The following RNASET2 variants were observed in gnomAD, a reference collection of about 807,000 sequenced individuals.
RNASET2 encodes the protein ribonuclease T2.
A neutral mutation model predicts 33.9 loss-of-function variants in RNASET2; 28 were observed. The observed-to-expected ratio is 0.83, with a 90% confidence interval of 0.61 to 1.13. The LOEUF is 1.13. RNASET2 is among the 50% of genes most tolerant of loss of function. The probability of loss-of-function intolerance (pLI) is 0.00; values close to 1 mark genes in which losing one functional copy is unlikely to be tolerated. For missense variants in RNASET2, 330 were observed against 319.9 expected (o/e 1.03, Z -0.24); for synonymous variants, 123 against 121.0 (o/e 1.02, Z -0.11).
At position 166,924,261 on chromosome 6, in the gene RNASET2, C is replaced by T. The variant is rs748704392; in HGVS notation, c.*5327G>A. On this transcript the variant is annotated 3_prime_UTR_variant, in exon 9 of 9. Coordinates refer to ENST00000508775, the MANE Select transcript of RNASET2 (RefSeq NM_003730.6). ...GACTACAGGTGCCCGCCACCATGCC[C>T]GGCCAATTTTTGTATTTTTAGTAGA... Among the ~76,000 whole-genome samples, 13 of 152,240 alleles carry T rather than the reference C, an allele frequency of 8.5e-5. No individual in the cohort carries two copies. The highest frequency in any genetic ancestry group is 4.1e-4 in the South Asian group (2 of 4,820).
At chr6:166,941,407 C>T (rs536971741) in intron 5 of RNASET2, among the ~76,000 whole-genome samples, 2 of 152,336 alleles carry the variant, frequency 1.3e-5, no homozygotes, top group African/African-American at 4.8e-5. Context: ...TTTCACATAA[C>T]TCAGTTACCA....
rs1002049931 is a variant in RNASET2 at position 166,956,459 on chromosome 6, C to T, written c.-277G>A. The T allele has an allele frequency of 4.0e-6, 2 of 496,586 alleles. No homozygotes were observed. The allele number at this position is 496,586 out of a possible 1,614,324, so 30.8% of individuals were successfully genotyped here. ...TTCAGGATCGTGCACCAAGCGCGCA[C>T]GTCCCGGGCTCTGCTTCGCGACCCA... is the stretch of plus-strand genomic sequence containing the variant. On this transcript the variant is annotated 5_prime_UTR_variant, in exon 1 of 9. It adds an upstream start codon to the 5' untranslated region. Transcript: ENST00000508775.
chr6:166,939,894 C>T (rs1339096014), intron 5 of RNASET2, among the ~76,000 whole-genome samples: 1 of 152,180 alleles, frequency 6.6e-6, no homozygotes, highest in Non-Finnish European at 1.5e-5. Flanking sequence ...TATTTTACTG[C>T]AGATTAAAGG....
intron 1 of RNASET2, among the ~76,000 whole-genome samples, chr6:166,953,982 G>A (rs1252047551): frequency 6.6e-6 from 1 of 151,992 alleles, no homozygotes; most frequent in Admixed American, 6.6e-5. Context: ...GGAACCTGAG[G>A]CTGGAAAGCT....
In RNASET2 at chr6:166,931,024, AC is replaced by A. The variant is rs1343956290; in HGVS notation, c.567+19del. ...CTGTCTTCTTGAGAAAAAAAGGAAGACAAAACATAACTGTCTAACCTGGCTT... is the reference window on the plus strand; with the variant it reads ...CTGTCTTCTTGAGAAAAAAAGGAAGAAAAACATAACTGTCTAACCTGGCTT... On this transcript the variant is annotated intron_variant, in intron 8 of 8. Coordinates refer to ENST00000508775, the MANE Select transcript of RNASET2 (RefSeq NM_003730.6). The A allele has an allele frequency of 6.3e-7, 1 of 1,580,844 alleles. No individual in the cohort carries two copies. Among genetic ancestry groups the A allele is most frequent in the Admixed American group, 1.7e-5 (1 of 60,000 alleles).
chr6:166,940,226 T>C (rs943333720), intron 5 of RNASET2, among the ~76,000 whole-genome samples: 2 of 152,246 alleles, frequency 1.3e-5, no homozygotes, highest in Non-Finnish European at 2.9e-5. Flanking sequence ...GATGAATTCA[T>C]GAAGTTTTAA....
chr6:166,928,826 C>T lies in RNASET2; in HGVS notation c.*762G>A, dbSNP rs993161480. Among the ~76,000 whole-genome samples the T allele has an allele frequency of 6.6e-6, 1 of 152,204 alleles. No individual in the cohort carries two copies. The highest frequency in any genetic ancestry group is 1.5e-5 in the Non-Finnish European group (1 of 68,040). ...GGTAAGGGTACCTCCGGTTCTGGAA[C>T]ACACAATGTAGGCACATTTCGCTGG... On this transcript the variant is annotated 3_prime_UTR_variant, in exon 9 of 9. Transcript: ENST00000508775.
chr6:166,949,312 G>A (rs1778926096), intron 2 of RNASET2, among the ~76,000 whole-genome samples: 1 of 151,076 alleles, frequency 6.6e-6, no homozygotes, highest in Non-Finnish European at 1.5e-5. Flanking sequence ...GACCATCCTG[G>A]CCAACCTGTG....
chr6:166,951,229 T>C (rs1778977787), intron 2 of RNASET2, among the ~76,000 whole-genome samples: 1 of 152,228 alleles, frequency 6.6e-6, no homozygotes, highest in African/African-American at 2.4e-5. Flanking sequence ...CAAAGACTTT[T>C]AGTACTTTCA....
At chr6:166,952,723 C>A (rs1307855326) in intron 1 of RNASET2, 175 bp from the exon 2 acceptor site, 4 of 630,982 alleles carry the variant, frequency 6.3e-6, no homozygotes, top group East Asian at 2.9e-5. Flanking sequence ...CACCCCTACA[C>A]TAAGAAGGCA....
At chr6:166,930,432 C>T (rs1778391892) in intron 8 of RNASET2, among the ~76,000 whole-genome samples, 2 of 151,860 alleles carry the variant, frequency 1.3e-5, no homozygotes, top group Non-Finnish European at 2.9e-5. Context: ...AGGCACAGGC[C>T]CATGCACACA....
chr6:166,954,906 G>C (rs567337200), intron 1 of RNASET2, among the ~76,000 whole-genome samples: 1 of 152,042 alleles, frequency 6.6e-6, no homozygotes, highest in Admixed American at 6.6e-5. Flanking sequence ...CAGGAGAATC[G>C]CTTGAACCCG....
At chr6:166,935,201 T>G (rs1778536548) in intron 6 of RNASET2, 1 of 124,264 alleles carries the variant, frequency 8.0e-6, no homozygotes, top group Admixed American at 9.1e-5. Context: ...ATAACAGGTT[T>G]CAGACTTTGC....
chr6:166,941,656 G>A (rs1014808419), intron 5 of RNASET2, among the ~76,000 whole-genome samples: 2 of 152,058 alleles, frequency 1.3e-5, no homozygotes, highest in Admixed American at 1.3e-4. Context: ...ACCAGAAAGG[G>A]GGACATCACT....
intron 5 of RNASET2, among the ~76,000 whole-genome samples, chr6:166,942,108 A>G (rs1242365174): frequency 7.4e-6 from 1 of 134,574 alleles, no homozygotes; most frequent in African/African-American, 2.9e-5. Context: ...GCTGGAGTAC[A>G]GTGGTGCAAT....
At position 166,926,858 on chromosome 6, in the gene RNASET2, C is replaced by T. The variant is rs571374987; in HGVS notation, c.*2730G>A. ...CCACGGGTCCTCTTTTCCATGGTGCCGCAGAGATGCTCCAGGCAGACGCCT... is the reference window on the plus strand; with the variant it reads ...CCACGGGTCCTCTTTTCCATGGTGCTGCAGAGATGCTCCAGGCAGACGCCT... On this transcript the variant is annotated 3_prime_UTR_variant, in exon 9 of 9. Coordinates refer to ENST00000508775, the MANE Select transcript of RNASET2 (RefSeq NM_003730.6). Among the ~76,000 whole-genome samples, 9 of 152,312 alleles carry T rather than the reference C, an allele frequency of 5.9e-5. No individual in the cohort carries two copies. The highest frequency in any genetic ancestry group is 2.0e-4 in the Admixed American group (3 of 15,306).
intron 3 of RNASET2, 179 bp from the exon 4 acceptor site, chr6:166,946,918 A>G (rs1778861273): frequency 1.5e-6 from 1 of 669,404 alleles, no homozygotes; most frequent in Admixed American, 2.3e-5. Flanking sequence ...AAGAGGAGTC[A>G]GAGTTCAAAT....
intron 3 of RNASET2, chr6:166,948,346 A>AG: frequency 1.7e-6 from 1 of 591,754 alleles, no homozygotes. Context: ...ACTCTGTCTC[A>AG]GAAAAAAAAA....
chr6:166,946,882 G>T, intron 3 of RNASET2, 143 bp from the exon 4 acceptor site: 1 of 704,172 alleles, frequency 1.4e-6, no homozygotes, highest in Non-Finnish European at 2.6e-6. Context: ...ATCCCAGGCA[G>T]GATGCTTAAG....
Sources: allele counts gnomAD v4.1 joint callset (sites outside exome capture counted in the v4.1 genomes callset), GRCh38; gene constraint gnomAD v4.1.1; transcripts MANE v1.5; gene names NCBI Gene and HGNC (gene_info 2026-07-23, HGNC 2026-07-21).